Variants in ARHGEF33 observed in about 807,000 individuals in gnomAD.
ARHGEF33 encodes the protein Rho guanine nucleotide exchange factor 33.
A neutral mutation model predicts 101.9 loss-of-function variants in ARHGEF33; 72 were observed. The ratio of observed to expected loss-of-function variants is 0.71; its 90% confidence interval spans 0.58 to 0.86. The LOEUF (loss-of-function observed/expected upper bound fraction) is 0.86, where lower values mean the gene tolerates loss of function less well. ARHGEF33 is among the 40% of genes least tolerant of loss of function. The pLI is 0.00. For synonymous variants in ARHGEF33, 499 were observed against 442.5 expected (o/e 1.13, Z -1.60); for missense variants, 1,169 against 1,111.3 (o/e 1.05, Z -0.74).
At chr2:38,951,209 A>T in intron 11 of ARHGEF33, 88 bp downstream of exon 11, 7 of 1,285,268 alleles carry the variant, frequency 5.4e-6, no homozygotes, top group Non-Finnish European at 6.5e-6. Flanking sequence ...ATCTAGAAGC[A>T]GTGAATTTCA....
intron 10 of ARHGEF33, among the ~76,000 whole-genome samples, chr2:38,948,975 C>T (rs1478538145): frequency 6.6e-6 from 1 of 152,166 alleles, no homozygotes; most frequent in Non-Finnish European, 1.5e-5. Flanking sequence ...GAGGCCTCTC[C>T]TCTTTTGTAC....
At chr2:38,948,274 T>C (rs2124408532) in intron 10 of ARHGEF33, among the ~76,000 whole-genome samples, 1 of 152,372 alleles carries the variant, frequency 6.6e-6, no homozygotes, top group African/African-American at 2.4e-5. Flanking sequence ...ATAATACCCT[T>C]GTTAAATTTT....
intron 2 of ARHGEF33, among the ~76,000 whole-genome samples, chr2:38,910,209 A>C (rs1666478985): frequency 6.6e-6 from 1 of 152,184 alleles, no homozygotes; most frequent in African/African-American, 2.4e-5. Flanking sequence ...AAAAATTTAT[A>C]CTGTTTTTAA....
At position 38,960,417 on chromosome 2, in the gene ARHGEF33, G is replaced by T. The variant is rs1257651725; in HGVS notation, c.2112G>T (p.Pro704=). The part of the protein sequence containing the change: ...AAAQAHGKAK[P]LSRSLKEFPR... ...CGCAGGCGCACGGCAAGGCCAAGCC[G>T]CTGAGCCGCTCTCTCAAAGAGTTCC... The change falls in exon 16 of 18, where the codon CCG becomes CCT. Residue 704 remains proline, a synonymous_variant. Transcript: ENST00000409978. The T allele has an allele frequency of 2.6e-6, 4 of 1,514,492 alleles. No homozygotes were observed. Among genetic ancestry groups the T allele is most frequent in the African/African-American group, 2.8e-5 (2 of 71,152 alleles). The allele number at this position is 1,514,492 out of a possible 1,614,324, so 93.8% of individuals were successfully genotyped here.
intron 2 of ARHGEF33, among the ~76,000 whole-genome samples, chr2:38,896,741 A>C (rs776180797): frequency 1.2e-4 from 19 of 152,202 alleles, no homozygotes; most frequent in Admixed American, 6.5e-5. Context: ...TTAAATTTCA[A>C]AACCCAAAAG....
intron 2 of ARHGEF33, among the ~76,000 whole-genome samples, chr2:38,903,059 C>G (rs1180217127): frequency 6.6e-6 from 1 of 152,148 alleles, no homozygotes; most frequent in East Asian, 1.9e-4. Flanking sequence ...GGAGATAAAT[C>G]ATAGCTTGAG....
intron 10 of ARHGEF33, 89 bp from the exon 11 acceptor site, chr2:38,950,900 G>A (rs1316781785): frequency 6.3e-6 from 8 of 1,274,100 alleles, no homozygotes; most frequent in Non-Finnish European, 8.6e-6. Context: ...TTGGATGGCT[G>A]GGAGAATGGG....
At chr2:38,917,185 A>G (rs899721704) in intron 2 of ARHGEF33, among the ~76,000 whole-genome samples, 33 of 149,546 alleles carry the variant, frequency 2.2e-4, no homozygotes, top group Admixed American at 1.8e-3. Context: ...TCTGCGTCTC[A>G]GGTTAAAGTG....
chr2:38,934,143 T>G (rs912998080), intron 7 of ARHGEF33, among the ~76,000 whole-genome samples: 1 of 152,210 alleles, frequency 6.6e-6, no homozygotes, highest in African/African-American at 2.4e-5. Flanking sequence ...AATATTGGCT[T>G]TCATCCTTAC....
At chr2:38,891,337 A>T (rs912047870) in intron 1 of ARHGEF33, among the ~76,000 whole-genome samples, 3 of 152,080 alleles carry the variant, frequency 2.0e-5, no homozygotes, top group African/African-American at 7.2e-5. Flanking sequence ...AGTAATGTAG[A>T]TACAAAGATC....
intron 2 of ARHGEF33, among the ~76,000 whole-genome samples, chr2:38,897,533 G>T (rs1235988082): frequency 1.3e-5 from 2 of 152,130 alleles, no homozygotes; most frequent in African/African-American, 4.8e-5. Flanking sequence ...ATTTTTGAGA[G>T]AGTAATTATA....
At position 38,954,758 on chromosome 2, in the gene ARHGEF33, C is replaced by T. The variant is rs1004947899; in HGVS notation, c.1221+302C>T. ...AAGTGACTCTCCTGCATCAGCCTCC[C>T]GAGTAGCTGGGACTACAGGCATGTG... On this transcript the variant is annotated intron_variant, in intron 13 of 17. Transcript: ENST00000409978. Among the ~76,000 whole-genome samples the T allele has an allele frequency of 1.6e-4, 24 of 151,800 alleles. 1 individual carries two copies. Among genetic ancestry groups the T allele is most frequent in the South Asian group, 8.3e-4 (4 of 4,792 alleles).
intron 2 of ARHGEF33, among the ~76,000 whole-genome samples, chr2:38,907,374 T>TA (rs1666415275): frequency 6.6e-6 from 1 of 152,224 alleles, no homozygotes; most frequent in African/African-American, 2.4e-5. Context: ...TTCTCCTTTC[T>TA]AGCTGTTCTG....
chr2:38,905,939 C>A (rs2124982706), intron 2 of ARHGEF33, among the ~76,000 whole-genome samples: 1 of 152,250 alleles, frequency 6.6e-6, no homozygotes, highest in East Asian at 1.9e-4. Flanking sequence ...TCTTTCCTCA[C>A]ATACTTTAAA....
intron 2 of ARHGEF33, among the ~76,000 whole-genome samples, chr2:38,904,271 G>A (rs1179635871): frequency 1.3e-5 from 2 of 152,206 alleles, no homozygotes; most frequent in Admixed American, 1.3e-4. Flanking sequence ...AGGCAGCAGG[G>A]AGAAGGAGAG....
At position 38,965,089 on chromosome 2, in the gene ARHGEF33, CAGCA is replaced by C. The variant is rs1331859231; in HGVS notation, c.2344-912_2344-909del. ...CCACCCTAACACTTTGCTTCTCTGT[CAGCA>C]AGCAGTCACCTATCTAATTCATGAG... is the stretch of plus-strand genomic sequence containing the variant. On this transcript the variant is annotated intron_variant, in intron 16 of 17. Coordinates refer to ENST00000409978, the MANE Select transcript of ARHGEF33 (RefSeq NM_001145451.5). Among the ~76,000 whole-genome samples the C allele has an allele frequency of 3.3e-5, 5 of 151,772 alleles. No individual in the cohort carries two copies. The South Asian group carries it at 6.2e-4, about 19-fold the overall frequency.
chr2:38,942,169 T>C (rs201058394), intron 9 of ARHGEF33, among the ~76,000 whole-genome samples: 26 of 145,456 alleles, frequency 1.8e-4, no homozygotes, highest in Middle Eastern at 3.5e-3. Flanking sequence ...CCTTTCTTTT[T>C]TTTTTTTTTT....
chr2:38,898,365 A>G (rs1025950143), intron 2 of ARHGEF33, among the ~76,000 whole-genome samples: 2 of 152,204 alleles, frequency 1.3e-5, no homozygotes, highest in Non-Finnish European at 2.9e-5. Flanking sequence ...GGCTGCAGTA[A>G]GTCCCATGCA....
chr2:38,948,669 A>G (rs1308419446), intron 10 of ARHGEF33, among the ~76,000 whole-genome samples: 1 of 152,194 alleles, frequency 6.6e-6, no homozygotes, highest in African/African-American at 2.4e-5. Context: ...TATATGGACA[A>G]TTCTTCACAA....
Sources: gnomAD v4.1 joint callset for allele counts (sites outside exome capture counted in the v4.1 genomes callset) on GRCh38, gnomAD v4.1.1 for gene constraint, MANE v1.5 for transcripts, NCBI Gene and HGNC (gene_info 2026-07-23, HGNC 2026-07-21) for gene names.